Variants in SSH1 observed in about 807,000 individuals in gnomAD.
The protein encoded by SSH1 is slingshot protein phosphatase 1, also known as protein phosphatase Slingshot homolog 1.
Under a neutral mutation model 79.7 loss-of-function variants are expected in SSH1, and 43 were observed. The ratio of observed to expected loss-of-function variants is 0.54; its 90% confidence interval spans 0.42 to 0.70. The LOEUF (loss-of-function observed/expected upper bound fraction) is 0.70. Ranked by LOEUF, SSH1 falls within the 30% of genes least tolerant of loss-of-function variation. The pLI, the probability that SSH1 is intolerant of heterozygous loss-of-function variation, is 0.00. For synonymous variants in SSH1, 599 were observed against 538.3 expected (o/e 1.11, Z -1.56); for missense variants, 1,206 against 1,358.8 (o/e 0.89, Z 1.77).
chr12:108,828,665 G>C (rs187680018), intron 2 of SSH1, among the ~76,000 whole-genome samples: 3 of 152,276 alleles, frequency 2.0e-5, no homozygotes, highest in Admixed American at 6.5e-5. Context: ...GTAGAAATCA[G>C]AAGGGCAGGG....
chr12:108,821,838 A>G (rs1185922982), intron 3 of SSH1, among the ~76,000 whole-genome samples: 2 of 152,194 alleles, frequency 1.3e-5, no homozygotes. Flanking sequence ...TAACCTGAGC[A>G]CTCAGATCTA....
chr12:108,826,476 C>T (rs2038313399), intron 2 of SSH1: 1 of 188,232 alleles, frequency 5.3e-6, no homozygotes, highest in Non-Finnish European at 1.1e-5. Flanking sequence ...GTGAGATCAC[C>T]CTGCGTCCTG....
rs1185147295 is a variant in SSH1 at position 108,857,120 on chromosome 12, C to G, written c.69+308G>C. 6.6e-6 allele frequency among the ~76,000 whole-genome samples: 1 copy of G among 152,238 alleles called. No individual in the cohort carries two copies. The highest frequency in any genetic ancestry group is 1.5e-5 in the Non-Finnish European group (1 of 68,034). The stretch of plus-strand genomic sequence containing the variant: ...ATGGGGGTAACCCCCTGATGTGGGT[C>G]ACAGCGCACACACAGTATCCTGCAG... On this transcript the variant is annotated intron_variant, in intron 1 of 14. Coordinates refer to ENST00000326495, the MANE Select transcript of SSH1 (RefSeq NM_018984.4). This position sits in a 1 kb window ranked among gnomAD's most constrained non-coding sequence, Gnocchi z 4.7.
Position 108,787,867 on chromosome 12 carries a change from T to C in SSH1, c.*121A>G. On this transcript the variant is annotated 3_prime_UTR_variant, in exon 15 of 15. Coordinates refer to ENST00000326495, the MANE Select transcript of SSH1 (RefSeq NM_018984.4). ...CTCTATGGCAAGAGTAGGGGAAAAG[T>C]TAGGATGACTTCACTCGTTTAAGGG... is the stretch of plus-strand genomic sequence containing the variant. 1 of 1,296,274 alleles carries C rather than the reference T, an allele frequency of 7.7e-7. No individual in the cohort carries two copies. The highest frequency in any genetic ancestry group is 1.1e-6 in the Non-Finnish European group (1 of 922,662). 80.3% of individuals were successfully genotyped at this position (1,296,274 alleles called of 1,614,324 possible). A position where few individuals can be genotyped will look rare whatever the true frequency, so the allele number is the denominator to read the frequency against.
intron 8 of SSH1, 108 bp from the exon 9 acceptor site, chr12:108,806,502 G>A (rs2037282683): frequency 1.0e-6 from 1 of 976,790 alleles, no homozygotes. Context: ...GGCTTGGCAA[G>A]GAGAGCACGC....
At position 108,785,727 on chromosome 12, in the gene SSH1, A is replaced by C. The variant is rs1565960013; in HGVS notation, c.*2261T>G. On this transcript the variant is annotated 3_prime_UTR_variant, in exon 15 of 15. Transcript: ENST00000326495. ...ATGGCTTTCAAAATTAAAGTTTTCA[A>C]AAATATATCATTCTCATACATAGAC... is the stretch of plus-strand genomic sequence containing the variant. 2 of 151,806 alleles carry C rather than the reference A, an allele frequency of 1.3e-5. No homozygotes were observed. Among genetic ancestry groups the C allele is most frequent in the Admixed American group, 6.5e-5 (1 of 15,284 alleles). 9.4% of individuals were successfully genotyped at this position (151,806 alleles called of 1,614,324 possible). A position where few individuals can be genotyped will look rare whatever the true frequency, so the allele number is the denominator to read the frequency against.
intron 5 of SSH1, among the ~76,000 whole-genome samples, chr12:108,813,201 G>A (rs2037707189): frequency 6.6e-6 from 1 of 152,100 alleles, no homozygotes; most frequent in Admixed American, 6.5e-5. Context: ...TGACCCCAAA[G>A]GATAAAGTGG....
rs1434665412 is a variant in SSH1, at chr12:108,784,286, A to C, written c.*3702T>G. On this transcript the variant is annotated 3_prime_UTR_variant, in exon 15 of 15. Transcript: ENST00000326495. The stretch of plus-strand genomic sequence containing the variant: ...TTCAAGCTCAGCTCCACACTGCTGC[A>C]AACTCTGGACTTCTCCAGGGGAAAA... 1.3e-5 allele frequency: 2 copies of C among 152,444 alleles called. No individual in the cohort carries two copies. The highest frequency in any genetic ancestry group is 2.9e-5 in the Non-Finnish European group (2 of 68,222). 9.4% of individuals were successfully genotyped at this position (152,444 alleles called of 1,614,324 possible). A position where few individuals can be genotyped will look rare whatever the true frequency, so the allele number is the denominator to read the frequency against.
chr12:108,816,058 C>G (rs2037872332), intron 5 of SSH1, among the ~76,000 whole-genome samples: 1 of 152,222 alleles, frequency 6.6e-6, no homozygotes. Context: ...CGCCTCCACC[C>G]TAGAGCTCGC....
intron 2 of SSH1, among the ~76,000 whole-genome samples, chr12:108,848,205 G>A (rs1373775586): frequency 3.3e-5 from 5 of 152,162 alleles, no homozygotes; most frequent in South Asian, 4.1e-4. Flanking sequence ...CCTCTGTGAC[G>A]GGACAGAAGA....
At position 108,783,886 on chromosome 12, in the gene SSH1, G is replaced by C. The variant is rs1322750380; in HGVS notation, c.*4102C>G. ...GCAGGAATCTGGGTAGTGGGACCAA[G>C]ACAAGTGAGCCTGCTCTGTGCTAGC... On this transcript the variant is annotated 3_prime_UTR_variant, in exon 15 of 15. Transcript: ENST00000326495. 4.6e-5 allele frequency: 7 copies of C among 152,272 alleles called. No homozygotes were observed. The highest frequency in any genetic ancestry group is 4.4e-5 in the Non-Finnish European group (3 of 68,094). The allele number at this position is 152,272 out of a possible 1,614,324, so 9.4% of individuals were successfully genotyped here.
intron 2 of SSH1, among the ~76,000 whole-genome samples, chr12:108,845,197 GAAAAAAA>G (rs532428327): frequency 1.3e-4 from 8 of 59,822 alleles, no homozygotes; most frequent in Non-Finnish European, 2.8e-4. Context: ...CAACAGAGCA[GAAAAAAA>G]AAAAAAAAAG....
intron 2 of SSH1, among the ~76,000 whole-genome samples, chr12:108,849,874 G>A (rs1484191365): frequency 1.6e-5 from 1 of 64,460 alleles, no homozygotes. Context: ...AGCTAGGGGA[G>A]GGCAGATGGG....
chr12:108,817,365 G>A, intron 4 of SSH1: 1 of 588,000 alleles, frequency 1.7e-6, no homozygotes, highest in South Asian at 1.7e-5. Context: ...CTTGAGGTCA[G>A]GAGTTCGAGA....
At chr12:108,828,966 A>G (rs75510097) in intron 2 of SSH1, among the ~76,000 whole-genome samples, 3,098 of 152,254 alleles carry the variant, frequency 0.02, 115 homozygotes, top group African/African-American at 0.071. Context: ...GCCCGTCAAC[A>G]ATTCCAAAAT....
At chr12:108,815,970 C>T (rs1191926855) in intron 5 of SSH1, among the ~76,000 whole-genome samples, 4 of 152,218 alleles carry the variant, frequency 2.6e-5, no homozygotes, top group African/African-American at 4.8e-5. Flanking sequence ...ATACTGTTAC[C>T]GTGACACTCA....
Position 108,823,331 on chromosome 12 carries a change from G to A in SSH1, c.141C>T (p.Gly47=), listed in dbSNP as rs148468806. 60 of 1,579,776 alleles carry A rather than the reference G, an allele frequency of 3.8e-5. No homozygotes were observed. Among genetic ancestry groups the A allele is most frequent in the South Asian group, 9.3e-5 (8 of 86,398 alleles). ...SLSESFFMVK[G]AALFLQQGSS... is the part of the protein sequence containing the mutation. ...TTCCCTGTTGTAAGAAGAGGGCTGC[G>A]CCTTTCACCATGAAAAAGCTCTCAC... is the stretch of plus-strand genomic sequence containing the variant. The change falls in exon 3 of 15, where the codon GGC becomes GGT. Residue 47 remains glycine, a synonymous_variant. Coordinates refer to ENST00000326495, the MANE Select transcript of SSH1 (RefSeq NM_018984.4).
intron 2 of SSH1, among the ~76,000 whole-genome samples, chr12:108,831,744 G>A (rs1215740534): frequency 2.0e-5 from 3 of 152,156 alleles, no homozygotes; most frequent in Non-Finnish European, 4.4e-5. Flanking sequence ...AGGAGGATTT[G>A]GCCTCTGTCA....
In SSH1 at chr12:108,789,003, G is replaced by A. The variant is rs1047577138; in HGVS notation, c.2135C>T (p.Pro712Leu). ...GGAGCCTGCTGGTGGTAGGAACGGGGGAGGTTCGGTTGGGCCAGAGGCTGG... is the reference window on the plus strand; with the variant it reads ...GGAGCCTGCTGGTGGTAGGAACGGGAGAGGTTCGGTTGGGCCAGAGGCTGG... ...EKPASGPTEP[P>L]PFLPPAGSRR... The change falls in exon 15 of 15, where the codon CCC becomes CTC. Residue 712 changes from proline (P) to leucine (L), a missense_variant. Coordinates refer to ENST00000326495, the MANE Select transcript of SSH1 (RefSeq NM_018984.4). 6 of 1,609,884 alleles carry A rather than the reference G, an allele frequency of 3.7e-6. No homozygotes were observed. The South Asian group carries it at 6.6e-5, about 18-fold the overall frequency.
Sources: gnomAD v4.1 joint callset for allele counts (sites outside exome capture counted in the v4.1 genomes callset) on GRCh38, gnomAD v4.1.1 for gene constraint, Gnocchi (gnomAD v3.1) non-coding constraint, MANE v1.5 for transcripts, NCBI Gene and HGNC (gene_info 2026-07-23, HGNC 2026-07-21) for gene names.